DAB1: variants seen among roughly 807,000 people sequenced by gnomAD.
The protein encoded by DAB1 is disabled homolog 1.
Under a neutral mutation model 64.6 loss-of-function variants are expected in DAB1, and 15 were observed. The observed-to-expected ratio is 0.23, with a 90% confidence interval of 0.16 to 0.36. DAB1 has a LOEUF of 0.36. DAB1 is among the 10% of genes least tolerant of loss of function. The probability of loss-of-function intolerance (pLI) is 1.00; values close to 1 mark genes in which losing one functional copy is unlikely to be tolerated. For missense variants in DAB1, 596 were observed against 706.7 expected, an observed-to-expected ratio of 0.84 and a Z score of 1.78; for synonymous variants, 235 against 251.9, an observed-to-expected ratio of 0.93 and a Z score of 0.64.
At chr1:58,535,882 A>G (rs1348388677) in intron 1 of DAB1, among the ~76,000 whole-genome samples, 3 of 152,122 alleles carry the variant, frequency 2.0e-5, no homozygotes, top group Admixed American at 6.5e-5. Flanking sequence ...AAAAAATCTT[A>G]TATTACTTGA....
chr1:57,654,242 T>G (rs1313999008), intron 6 of DAB1, among the ~76,000 whole-genome samples: 1 of 151,590 alleles, frequency 6.6e-6, no homozygotes, highest in Non-Finnish European at 1.5e-5. Context: ...AAAGAGAGAG[T>G]AAAACACCTA....
At position 57,909,115 on chromosome 1, in the gene DAB1, T is replaced by A. The variant is rs72920623; in HGVS notation, n.388-24953A>T. On this transcript the variant is annotated intron_variant and non_coding_transcript_variant, in intron 5 of 20. Coordinates refer to the DAB1 transcript ENST00000485760. ...GTATCTGGTGGCCATGATAGAATAG[T>A]ACATAGCAACAGCAGCTAGAATAGT... Among the ~76,000 whole-genome samples, 994 of 152,338 alleles carry A rather than the reference T, an allele frequency of 6.5e-3. 15 individuals are homozygous for A. The highest frequency in any genetic ancestry group is 0.023 in the African/African-American group (940 of 41,576).
At chr1:58,293,614 T>A (rs112608947) in intron 4 of DAB1, among the ~76,000 whole-genome samples, 1 of 152,160 alleles carries the variant, frequency 6.6e-6, no homozygotes, top group Non-Finnish European at 1.5e-5. Context: ...AACCTTTAGA[T>A]GACCCAGCTA....
At chr1:58,406,495 C>A (rs1055377839) in intron 3 of DAB1, among the ~76,000 whole-genome samples, 1 of 152,180 alleles carries the variant, frequency 6.6e-6, no homozygotes, top group Admixed American at 6.5e-5. Flanking sequence ...AAAGCCATAG[C>A]CCAGAGCTAG....
rs1207139924 is a variant in DAB1 at position 56,995,048 on chromosome 1, C to T, written c.*3096G>A. ...AAATGAACCAAACCCACAGAGTAAA[C>T]ATTTGTTTAAAAGAAGGTGCCCAGT... On this transcript the variant is annotated 3_prime_UTR_variant, in exon 15 of 15. Coordinates refer to ENST00000371236, the MANE Select transcript of DAB1 (RefSeq NM_001365792.1). 2.6e-5 allele frequency: 4 copies of T among 152,026 alleles called. No individual in the cohort carries two copies. Among genetic ancestry groups the T allele is most frequent in the Non-Finnish European group, 5.9e-5 (4 of 68,016 alleles). 9.4% of individuals were successfully genotyped at this position (152,026 alleles called of 1,614,324 possible). A position where few individuals can be genotyped will look rare whatever the true frequency, so the allele number is the denominator to read the frequency against.
chr1:57,889,340 C>A (rs993283349), intron 5 of DAB1, among the ~76,000 whole-genome samples: 1 of 152,218 alleles, frequency 6.6e-6, no homozygotes, highest in Non-Finnish European at 1.5e-5. Flanking sequence ...AAATATCCAG[C>A]GTGCCATAGG....
chr1:58,035,446 C>T (rs1225195759), intron 5 of DAB1, among the ~76,000 whole-genome samples: 1 of 152,226 alleles, frequency 6.6e-6, no homozygotes, highest in African/African-American at 2.4e-5. Flanking sequence ...GTTAGCTAGG[C>T]TTTTCACCTG....
intron 1 of DAB1, among the ~76,000 whole-genome samples, chr1:57,828,566 A>G (rs1446092308): frequency 6.6e-6 from 1 of 152,228 alleles, no homozygotes; most frequent in Non-Finnish European, 1.5e-5. Context: ...AAGTCAAGGA[A>G]AAAAATGAGA....
intron 9 of DAB1, among the ~76,000 whole-genome samples, chr1:57,049,108 C>T (rs758133844): frequency 1.3e-4 from 19 of 151,810 alleles, no homozygotes; most frequent in Non-Finnish European, 7.4e-5. Flanking sequence ...GAGAACAGAA[C>T]GGAAGATGAA....
chr1:57,082,030 G>A (rs3768184), intron 4 of DAB1, among the ~76,000 whole-genome samples: 33,500 of 151,986 alleles, frequency 0.22, 4,407 homozygotes, highest in East Asian at 0.49. Flanking sequence ...GGACATAGAA[G>A]CAATGAAACC....
At chr1:57,529,335 A>G (rs1185445242) in intron 7 of DAB1, among the ~76,000 whole-genome samples, 1 of 152,126 alleles carries the variant, frequency 6.6e-6, no homozygotes, top group East Asian at 1.9e-4. Flanking sequence ...AAGAAACAGA[A>G]CAATAAAAAA....
intron 7 of DAB1, among the ~76,000 whole-genome samples, chr1:57,493,918 A>C (rs1447018765): frequency 6.6e-6 from 1 of 152,168 alleles, no homozygotes; most frequent in Non-Finnish European, 1.5e-5. Context: ...CGATCTTGCA[A>C]TCAGAGGCTT....
intron 1 of DAB1, among the ~76,000 whole-genome samples, chr1:57,300,329 T>C (rs1274598018): frequency 1.3e-5 from 2 of 152,080 alleles, no homozygotes; most frequent in Non-Finnish European, 2.9e-5. Context: ...TAACAGTTGG[T>C]ATGAGAGAAA....
chr1:57,662,273 G>A (rs1378553445), intron 6 of DAB1, among the ~76,000 whole-genome samples: 1 of 152,094 alleles, frequency 6.6e-6, no homozygotes, highest in Non-Finnish European at 1.5e-5. Flanking sequence ...TCGGCTCACC[G>A]CAACCTCCAC....
At chr1:57,156,985 A>G (rs1176666684) in intron 2 of DAB1, among the ~76,000 whole-genome samples, 1 of 152,080 alleles carries the variant, frequency 6.6e-6, no homozygotes, top group African/African-American at 2.4e-5. Context: ...ACAAAATCAA[A>G]TGCCTCTGTC....
chr1:58,348,886 T>C (rs1299864156), intron 3 of DAB1, among the ~76,000 whole-genome samples: 1 of 152,206 alleles, frequency 6.6e-6, no homozygotes, highest in Non-Finnish European at 1.5e-5. Context: ...AAGAGGTGTC[T>C]GACCCTGATT....
chr1:58,529,867 C>T (rs1229854460), intron 1 of DAB1, among the ~76,000 whole-genome samples: 1 of 152,108 alleles, frequency 6.6e-6, no homozygotes, highest in East Asian at 1.9e-4. Context: ...CATGCAAACA[C>T]CATGCTTTTA....
chr1:57,254,954 T>C (rs1010481271), intron 2 of DAB1, among the ~76,000 whole-genome samples: 18 of 151,954 alleles, frequency 1.2e-4, no homozygotes, highest in African/African-American at 4.1e-4. Flanking sequence ...TTAAAAAAAA[T>C]GGCATACAGC....
chr1:57,645,036 G>A (rs2101647579), intron 7 of DAB1, among the ~76,000 whole-genome samples: 1 of 152,172 alleles, frequency 6.6e-6, no homozygotes, highest in Middle Eastern at 3.4e-3. Context: ...CAGGGAGGGG[G>A]AAAGCAGTTA....
Sources: allele counts gnomAD v4.1 joint callset (sites outside exome capture counted in the v4.1 genomes callset), GRCh38; gene constraint gnomAD v4.1.1; transcripts MANE v1.5; gene names NCBI Gene and HGNC (gene_info 2026-07-23, HGNC 2026-07-21).